Variants in GRM8 observed in about 807,000 individuals in gnomAD.
The protein encoded by GRM8 is metabotropic glutamate receptor 8.
In GRM8, 47 loss-of-function variants were observed where a neutral mutation model predicts 87.2. The observed-to-expected ratio is 0.54, with a 90% CI of 0.43 to 0.69. The LOEUF is 0.69. Among genes scored for constraint, GRM8 ranks in the 30% least tolerant of loss-of-function variants. The pLI, the probability that GRM8 is intolerant of heterozygous loss-of-function variation, is 0.00. For missense variants in GRM8, 1,019 were observed against 1,139.2 expected (o/e 0.89, Z 1.52); for synonymous variants, 396 against 404.5 (o/e 0.98, Z 0.25).
At chr7:126,917,544 C>T (rs1184228225) in intron 3 of GRM8, among the ~76,000 whole-genome samples, 1 of 152,068 alleles carries the variant, frequency 6.6e-6, no homozygotes, top group Non-Finnish European at 1.5e-5. Context: ...TTCATAATAT[C>T]CTAATGCTAT....
intron 6 of GRM8, among the ~76,000 whole-genome samples, chr7:126,799,676 T>C (rs1822418083): frequency 6.6e-6 from 1 of 152,146 alleles, no homozygotes; most frequent in Non-Finnish European, 1.5e-5. Flanking sequence ...GCTGGGGCAC[T>C]CAGCTATTAG....
intron 6 of GRM8, among the ~76,000 whole-genome samples, chr7:126,889,967 T>C (rs1427500901): frequency 6.6e-6 from 1 of 152,126 alleles, no homozygotes. Context: ...TGTTGTTCTA[T>C]AGGTCTATCA....
intron 2 of GRM8, among the ~76,000 whole-genome samples, chr7:127,175,911 A>C (rs1361961): frequency 0.2 from 29,800 of 152,202 alleles, 3,355 homozygotes; most frequent in Middle Eastern, 0.31. Flanking sequence ...TGTAAAGGAA[A>C]ATCAATACAG....
intron 3 of GRM8, among the ~76,000 whole-genome samples, chr7:127,077,046 C>T (rs1256224865): frequency 6.6e-6 from 1 of 152,140 alleles, no homozygotes; most frequent in Non-Finnish European, 1.5e-5. Flanking sequence ...GCTGTTCTCC[C>T]TTTATAGCCT....
chr7:126,609,081 C>G (rs954167130), intron 8 of GRM8, among the ~76,000 whole-genome samples: 1 of 152,102 alleles, frequency 6.6e-6, no homozygotes, highest in South Asian at 2.1e-4. Context: ...AAGATTACAA[C>G]AAATGACTCT....
intron 8 of GRM8, among the ~76,000 whole-genome samples, chr7:126,583,125 G>A (rs1795765093): frequency 1.3e-5 from 2 of 152,192 alleles, no homozygotes; most frequent in African/African-American, 4.8e-5. Flanking sequence ...GGAGGCTAAG[G>A]CGGGTGGATG....
intron 3 of GRM8, among the ~76,000 whole-genome samples, chr7:126,928,311 A>G (rs1805364726): frequency 6.6e-6 from 1 of 152,172 alleles, no homozygotes; most frequent in Admixed American, 6.5e-5. Flanking sequence ...CCACCATGGC[A>G]CATGTATACC....
chr7:126,917,404 C>T (rs532476976), intron 3 of GRM8, among the ~76,000 whole-genome samples: 183 of 151,818 alleles, frequency 1.2e-3, no homozygotes, highest in Non-Finnish European at 1.9e-3. Flanking sequence ...CACACATGGA[C>T]ACGCACACAC....
chr7:127,089,299 G>C (rs1823824181), intron 3 of GRM8, among the ~76,000 whole-genome samples: 2 of 152,232 alleles, frequency 1.3e-5, no homozygotes, highest in South Asian at 4.1e-4. Flanking sequence ...AGAGAAGCAT[G>C]GAGCAGATCC....
chr7:127,101,248 T>C (rs1825212704), intron 3 of GRM8, among the ~76,000 whole-genome samples: 1 of 152,196 alleles, frequency 6.6e-6, no homozygotes, highest in Non-Finnish European at 1.5e-5. Context: ...GCCAAGATTG[T>C]TATTGCAATG....
At chr7:126,558,171 A>G (rs1214938595) in intron 8 of GRM8, among the ~76,000 whole-genome samples, 1 of 152,198 alleles carries the variant, frequency 6.6e-6, no homozygotes, top group African/African-American at 2.4e-5. Flanking sequence ...GATTTGTGGT[A>G]GGTTAGCAGA....
intron 6 of GRM8, among the ~76,000 whole-genome samples, chr7:126,830,481 C>T (rs1160632374): frequency 6.6e-6 from 1 of 152,240 alleles, no homozygotes; most frequent in African/African-American, 2.4e-5. Context: ...ACCCTGTCTT[C>T]CAGTTGATCT....
At chr7:126,986,429 T>A (rs1430593854) in intron 3 of GRM8, among the ~76,000 whole-genome samples, 3 of 152,194 alleles carry the variant, frequency 2.0e-5, no homozygotes, top group Admixed American at 2.0e-4. Context: ...TTAGAGTACA[T>A]CCTAAATACA....
At chr7:127,091,701 AC>A (rs1824114414) in intron 3 of GRM8, among the ~76,000 whole-genome samples, 1 of 85,026 alleles carries the variant, frequency 1.2e-5, no homozygotes, top group African/African-American at 4.8e-5. Context: ...TCCTCTGATG[AC>A]CCCCCTGCCA....
chr7:126,884,824 A>G (rs1242488417), intron 6 of GRM8, among the ~76,000 whole-genome samples: 1 of 152,174 alleles, frequency 6.6e-6, no homozygotes, highest in Non-Finnish European at 1.5e-5. Context: ...CAACCCCACA[A>G]ATAAATGTAC....
chr7:127,205,249 T>C (rs968597723), intron 2 of GRM8, among the ~76,000 whole-genome samples: 3 of 152,212 alleles, frequency 2.0e-5, no homozygotes, highest in African/African-American at 7.2e-5. Context: ...ATGGAGTCCC[T>C]ACTAAGTGCC....
At chr7:126,947,992 G>A (rs1484568891) in intron 3 of GRM8, among the ~76,000 whole-genome samples, 1 of 152,118 alleles carries the variant, frequency 6.6e-6, no homozygotes, top group Non-Finnish European at 1.5e-5. Flanking sequence ...AGCAAAGAGG[G>A]TAAGTTCTAC....
intron 3 of GRM8, among the ~76,000 whole-genome samples, chr7:126,990,723 A>G (rs184283720): frequency 5.3e-4 from 81 of 152,364 alleles, no homozygotes; most frequent in Middle Eastern, 6.8e-3. Flanking sequence ...GTAAATGGGC[A>G]TAAGTGAAAT....
intron 6 of GRM8, among the ~76,000 whole-genome samples, chr7:126,890,767 G>A (rs1305143171): frequency 6.6e-6 from 1 of 151,930 alleles, no homozygotes; most frequent in Non-Finnish European, 1.5e-5. Flanking sequence ...ATGGCCAGAG[G>A]GGCTCCACTT....
Sources: gnomAD v4.1 joint callset for allele counts (sites outside exome capture counted in the v4.1 genomes callset) on GRCh38, gnomAD v4.1.1 for gene constraint, MANE v1.5 for transcripts, NCBI Gene and HGNC (gene_info 2026-07-23, HGNC 2026-07-21) for gene names.